GRM1: variants seen among roughly 807,000 people sequenced by gnomAD.
GRM1 encodes the protein metabotropic glutamate receptor 1.
Under a neutral mutation model 90.9 loss-of-function variants are expected in GRM1, and 33 were observed. The observed-to-expected ratio is 0.36, with a 90% confidence interval of 0.28 to 0.49. The LOEUF (loss-of-function observed/expected upper bound fraction) is 0.49, where lower values mean the gene tolerates loss of function less well. Ranked by LOEUF, GRM1 falls within the 20% of genes least tolerant of loss-of-function variation. GRM1 has a pLI of 0.99. For synonymous variants in GRM1, 700 were observed against 613.2 expected (o/e 1.14, Z -2.09); for missense variants, 1,190 against 1,534.3 (o/e 0.78, Z 3.75).
chr6:146,124,493 A>G (rs574877862), intron 1 of GRM1, among the ~76,000 whole-genome samples: 19 of 152,288 alleles, frequency 1.2e-4, no homozygotes, highest in Admixed American at 6.5e-4. Flanking sequence ...TGATCACTAC[A>G]ATACATTAAT....
At chr6:146,384,283 C>T (rs1021792380) in intron 5 of GRM1, among the ~76,000 whole-genome samples, 1 of 152,082 alleles carries the variant, frequency 6.6e-6, no homozygotes, top group African/African-American at 2.4e-5. Flanking sequence ...GTAAGGAACA[C>T]TTAGTAGGGA....
intron 1 of GRM1, among the ~76,000 whole-genome samples, chr6:146,081,950 T>C (rs1776377577): frequency 6.6e-6 from 1 of 152,158 alleles, no homozygotes; most frequent in Non-Finnish European, 1.5e-5. Context: ...TAGCCAGATT[T>C]TGAAGGTCAG....
intron 5 of GRM1, among the ~76,000 whole-genome samples, chr6:146,378,188 T>C (rs1001621246): frequency 1.3e-5 from 2 of 152,290 alleles, no homozygotes; most frequent in African/African-American, 4.8e-5. Context: ...GCTAGGGAAG[T>C]GCAGAAGGAA....
At chr6:146,177,409 A>T (rs1354607158) in intron 2 of GRM1, among the ~76,000 whole-genome samples, 3 of 152,098 alleles carry the variant, frequency 2.0e-5, no homozygotes, top group African/African-American at 7.2e-5. Context: ...TCTTTCCTCT[A>T]GGATATTATT....
chr6:146,250,793 G>A (rs1209852739), intron 2 of GRM1, among the ~76,000 whole-genome samples: 1 of 152,190 alleles, frequency 6.6e-6, no homozygotes, highest in Non-Finnish European at 1.5e-5. Flanking sequence ...CCTTTTCAGT[G>A]TAGGTACAGT....
intron 1 of GRM1, among the ~76,000 whole-genome samples, chr6:146,082,457 G>A (rs989790026): frequency 6.6e-6 from 1 of 152,084 alleles, no homozygotes; most frequent in Non-Finnish European, 1.5e-5. Context: ...TGCCTGGCCT[G>A]TGGTTTCGTC....
intron 1 of GRM1, among the ~76,000 whole-genome samples, chr6:146,057,298 G>A (rs1314756368): frequency 1.3e-5 from 2 of 151,974 alleles, no homozygotes; most frequent in Admixed American, 6.6e-5. Context: ...CTTCAAATAC[G>A]ATAAATGCCT....
chr6:146,242,824 A>G (rs1220441855), intron 2 of GRM1, among the ~76,000 whole-genome samples: 3 of 152,126 alleles, frequency 2.0e-5, no homozygotes, highest in Admixed American at 6.6e-5. Flanking sequence ...ATTTTACAGC[A>G]CACCAGACAT....
intron 2 of GRM1, among the ~76,000 whole-genome samples, chr6:146,217,308 G>A (rs577392039): frequency 7.9e-5 from 12 of 152,312 alleles, no homozygotes; most frequent in South Asian, 2.1e-4. Flanking sequence ...AAATGGTAGT[G>A]TGTTCATTGT....
intron 2 of GRM1, among the ~76,000 whole-genome samples, chr6:146,185,185 C>A (rs964996770): frequency 4.6e-5 from 7 of 152,142 alleles, no homozygotes; most frequent in Admixed American, 4.6e-4. Context: ...GAATATAACC[C>A]TTTTTGATCT....
chr6:146,317,842 C>T (rs1299527666), intron 3 of GRM1, among the ~76,000 whole-genome samples: 1 of 152,068 alleles, frequency 6.6e-6, no homozygotes, highest in Non-Finnish European at 1.5e-5. Flanking sequence ...GTAGTCAAGC[C>T]AGTTATTAAT....
intron 2 of GRM1, among the ~76,000 whole-genome samples, chr6:146,300,263 A>T (rs969742425): frequency 2.6e-5 from 4 of 152,210 alleles, no homozygotes; most frequent in African/African-American, 7.2e-5. Flanking sequence ...TTGCACATTT[A>T]AAAAATACTA....
chr6:146,188,885 C>A (rs916675980), intron 2 of GRM1, among the ~76,000 whole-genome samples: 2 of 152,188 alleles, frequency 1.3e-5, no homozygotes, highest in Non-Finnish European at 2.9e-5. Flanking sequence ...TTTTCCCTGG[C>A]TTTCTGCCCT....
In GRM1 at chr6:146,435,076, A is replaced by G. The variant is rs376688744; in HGVS notation, c.*280A>G. The G allele has an allele frequency of 1.4e-5, 8 of 555,902 alleles. No individual in the cohort carries two copies. Among genetic ancestry groups the G allele is most frequent in the African/African-American group, 1.3e-4 (7 of 52,968 alleles). The allele number at this position is 555,902 out of a possible 1,614,324, so 34.4% of individuals were successfully genotyped here. On this transcript the variant is annotated 3_prime_UTR_variant, in exon 8 of 8. Coordinates refer to ENST00000282753, the MANE Select transcript of GRM1 (RefSeq NM_001278064.2). ...CTGACAAAGCACAATTCCATATGGT[A>G]TGTAACTTTTATCACAAATCAAATA... is the stretch of plus-strand genomic sequence containing the variant.
intron 5 of GRM1, among the ~76,000 whole-genome samples, chr6:146,370,771 G>C (rs1367948878): frequency 6.6e-6 from 1 of 151,994 alleles, no homozygotes; most frequent in Non-Finnish European, 1.5e-5. Flanking sequence ...GCTTGTGCAA[G>C]GTATTGGGTC....
intron 2 of GRM1, among the ~76,000 whole-genome samples, chr6:146,264,299 T>C (rs370017723): frequency 6.6e-6 from 1 of 152,230 alleles, no homozygotes; most frequent in African/African-American, 2.4e-5. Flanking sequence ...TAGTTATAGA[T>C]ATGAAAATGG....
chr6:146,164,109 CTGAGAA>C (rs1777829083), intron 2 of GRM1, among the ~76,000 whole-genome samples: 1 of 151,926 alleles, frequency 6.6e-6, no homozygotes, highest in African/African-American at 2.4e-5. Context: ...GAAAGTAAAA[CTGAGAA>C]TAATTTATGT....
At chr6:146,213,981 A>G (rs548865912) in intron 2 of GRM1, among the ~76,000 whole-genome samples, 13 of 152,236 alleles carry the variant, frequency 8.5e-5, no homozygotes, top group Admixed American at 1.3e-4. Flanking sequence ...TGGAGTCCCA[A>G]TGTCTGAGGC....
intron 1 of GRM1, among the ~76,000 whole-genome samples, chr6:146,041,473 T>C (rs1272545721): frequency 1.3e-5 from 2 of 151,980 alleles, no homozygotes; most frequent in African/African-American, 4.8e-5. Flanking sequence ...TGGCACTAGA[T>C]GGTGCCCTAG....
Sources: allele counts gnomAD v4.1 joint callset (sites outside exome capture counted in the v4.1 genomes callset), GRCh38; gene constraint gnomAD v4.1.1; transcripts MANE v1.5; gene names NCBI Gene and HGNC (gene_info 2026-07-23, HGNC 2026-07-21).